URGCP: variants seen among roughly 807,000 people sequenced by gnomAD.
URGCP encodes the protein upregulator of cell proliferation, also known as up-regulator of cell proliferation.
A neutral mutation model predicts 24.6 loss-of-function variants in URGCP; 13 were observed. The observed-to-expected ratio is 0.53, with a 90% CI of 0.34 to 0.84. The LOEUF is 0.84. Among genes scored for constraint, URGCP ranks in the 40% least tolerant of loss-of-function variants. URGCP has a pLI of 0.01. For missense variants in URGCP, 899 were observed against 1,194.3 expected (o/e 0.75, Z 3.64); for synonymous variants, 444 against 487.2 (o/e 0.91, Z 1.17).
At chr7:43,919,367 A>C in intron 1 of URGCP, 8 of 849,778 alleles carry the variant, frequency 9.4e-6, no homozygotes, top group East Asian at 2.4e-5. Context: ...TCCAGAACCC[A>C]TCCTTCTCTC....
chr7:43,911,208 A>T (rs764688670), upstream of URGCP, among the ~76,000 whole-genome samples: 11 of 151,120 alleles, frequency 7.3e-5, no homozygotes, highest in Non-Finnish European at 1.6e-4. Context: ...CGAGACCAGT[A>T]GGGCCAACAT....
At chr7:43,926,437 C>A (rs971465962), upstream of URGCP, 2 of 1,135,774 alleles carry the variant, frequency 1.8e-6, no homozygotes, top group Non-Finnish European at 1.1e-6. Flanking sequence ...GCGCAGGCTG[C>A]GGCTCCCGGC....
chr7:43,893,565 A>AGGCT (rs1167766629), intron 1 of URGCP, among the ~76,000 whole-genome samples: 2 of 152,124 alleles, frequency 1.3e-5, no homozygotes, highest in Non-Finnish European at 2.9e-5. Flanking sequence ...AGAGACATAC[A>AGGCT]GACTGAAAGT....
At chr7:43,899,031 G>A (rs1260490993) in intron 1 of URGCP, among the ~76,000 whole-genome samples, 2 of 149,774 alleles carry the variant, frequency 1.3e-5, no homozygotes, top group Non-Finnish European at 3.0e-5. Context: ...CTACTCGGGA[G>A]GCTGAGGCAG....
rs937358691 is a variant in URGCP at position 43,877,061 on chromosome 7, T to A, written c.2402A>T (p.His801Leu). Residue 801 changes from histidine (H) to leucine (L), a missense_variant, in exon 6 of 6, where the codon CAT becomes CTT. Transcript: ENST00000453200. ...ETKDIPAAIL[H>L]AFLRLEKTGH... The stretch of plus-strand genomic sequence containing the variant: ...CGTTTTTTCTAACCTCAGAAATGCA[T>A]GCAGAATAGCTGCTGGAATGTCCTT... The A allele has an allele frequency of 1.2e-6, 2 of 1,614,146 alleles. No individual in the cohort carries two copies. Among genetic ancestry groups the A allele is most frequent in the South Asian group, 1.1e-5 (1 of 91,094 alleles).
chr7:43,891,124 C>T (rs1364232530), intron 1 of URGCP, among the ~76,000 whole-genome samples: 4 of 152,202 alleles, frequency 2.6e-5, no homozygotes, highest in African/African-American at 9.7e-5. Context: ...TTTCTGCTGA[C>T]CTACCTCAGA....
At chr7:43,900,403 T>C (rs2730622) in intron 1 of URGCP, among the ~76,000 whole-genome samples, 105,019 of 145,748 alleles carry the variant, frequency 0.72, 37,892 homozygotes, top group African/African-American at 0.82. Context: ...TGAAGTGAGC[T>C]GAGATCACAC....
rs1459124690 is a variant in URGCP at position 43,891,174 on chromosome 7, G to A, written c.15-3358C>T. On this transcript the variant is annotated intron_variant, in intron 1 of 5. Transcript: ENST00000453200. ...GGACAGTCCATCCATGCCTAGAATA[G>A]ATAGGGCAAACCTCGTGGGCAGAAC... 2.0e-5 allele frequency among the ~76,000 whole-genome samples: 3 copies of A among 152,292 alleles called. No homozygotes were observed. The East Asian group carries it at 5.8e-4, about 29-fold the overall frequency.
intron 1 of URGCP, among the ~76,000 whole-genome samples, chr7:43,898,391 A>T (rs1248158604): frequency 6.6e-6 from 1 of 152,264 alleles, no homozygotes; most frequent in African/African-American, 2.4e-5. Flanking sequence ...CAAGAAAAAT[A>T]ATATGTTACA....
chr7:43,910,276 T>C (rs530211877), upstream of URGCP, among the ~76,000 whole-genome samples: 1 of 152,206 alleles, frequency 6.6e-6, no homozygotes, highest in African/African-American at 2.4e-5. Flanking sequence ...AGTGCAGTGA[T>C]GCAGTCATGG....
intron 1 of URGCP, chr7:43,918,652 A>G (rs2132729726): frequency 1.6e-6 from 1 of 610,124 alleles, no homozygotes; most frequent in East Asian, 2.8e-5. Context: ...GGCACGCGGC[A>G]GCGTTGCGGG....
Position 43,877,745 on chromosome 7 carries a change from C to A in URGCP, c.1718G>T (p.Gly573Val). Residue 573 changes from glycine to valine, a missense_variant, in exon 6 of 6, where the codon GGC (glycine) becomes GTC (valine). Physicochemically the swap from Gly to Val is moderately radical, Grantham distance 109. Transcript: ENST00000453200. ...KQYFLRWMEWGLARVAQPRLR... is the reference protein window; with the variant it reads ...KQYFLRWMEWVLARVAQPRLR... ...TCGCGGCTGGGCCACCCGTGCCAGG[C>A]CCCACTCCATCCACCTCAGGAAGTA... The A allele has an allele frequency of 6.2e-7, 1 of 1,606,658 alleles. No individual in the cohort carries two copies. Among genetic ancestry groups the A allele is most frequent in the South Asian group, 1.1e-5 (1 of 90,212 alleles).
chr7:43,914,819 A>C (rs2095913784), intron 1 of URGCP, among the ~76,000 whole-genome samples: 1 of 152,158 alleles, frequency 6.6e-6, no homozygotes, highest in Non-Finnish European at 1.5e-5. Flanking sequence ...TAGGTTTTCT[A>C]TCTCTTTACT....
chr7:43,892,422 AT>A (rs879351164), intron 1 of URGCP, among the ~76,000 whole-genome samples: 335 of 143,702 alleles, frequency 2.3e-3, no homozygotes, highest in Middle Eastern at 3.6e-3. Flanking sequence ...AACAGCCCCA[AT>A]TTTTTTTTTT....
At chr7:43,883,364 T>TATATATATATATATATATATATA in intron 3 of URGCP, among the ~76,000 whole-genome samples, 1 of 91,498 alleles carries the variant, frequency 1.1e-5, no homozygotes, top group Non-Finnish European at 2.1e-5. Context: ...ATATATATAT[T>TATATATATATATATATATATATA]TTTTTTTTTT....
At chr7:43,910,126 G>A (rs1034248538), upstream of URGCP, among the ~76,000 whole-genome samples, 1 of 151,960 alleles carries the variant, frequency 6.6e-6, no homozygotes, top group African/African-American at 2.4e-5. Context: ...TATAATCTCA[G>A]CACTTTGGGA....
At chr7:43,901,880 A>G (rs1224286865) in intron 1 of URGCP, among the ~76,000 whole-genome samples, 1 of 152,180 alleles carries the variant, frequency 6.6e-6, no homozygotes, top group Non-Finnish European at 1.5e-5. Context: ...TTGACAGCCA[A>G]TGGATGTTAA....
intron 1 of URGCP, among the ~76,000 whole-genome samples, chr7:43,899,030 A>G (rs1004172347): frequency 4.7e-4 from 70 of 149,782 alleles, no homozygotes; most frequent in Admixed American, 1.2e-3. Context: ...GCTACTCGGG[A>G]GGCTGAGGCA....
chr7:43,887,877 G>T, intron 1 of URGCP, 61 bp from the exon 2 acceptor site: 1 of 1,100,278 alleles, frequency 9.1e-7, no homozygotes, highest in South Asian at 1.5e-5. Context: ...ATATAATAGC[G>T]AAAAACTGAT....
Sources: allele counts gnomAD v4.1 joint callset (sites outside exome capture counted in the v4.1 genomes callset), GRCh38; gene constraint gnomAD v4.1.1; transcripts MANE v1.5; gene names NCBI Gene and HGNC (gene_info 2026-07-23, HGNC 2026-07-21).